RNF217: variants seen among roughly 807,000 people sequenced by gnomAD.
RNF217 encodes E3 ubiquitin-protein ligase RNF217.
Under a neutral mutation model 57.8 loss-of-function variants are expected in RNF217, and 31 were observed. The observed-to-expected ratio is 0.54, with a 90% CI of 0.40 to 0.72. The LOEUF (loss-of-function observed/expected upper bound fraction) is 0.72, where lower values mean the gene tolerates loss of function less well. Ranked by LOEUF, RNF217 falls within the 30% of genes least tolerant of loss-of-function variation. The probability of loss-of-function intolerance (pLI) is 0.00; values close to 1 mark genes in which losing one functional copy is unlikely to be tolerated. For synonymous variants in RNF217, 313 were observed against 294.0 expected, an observed-to-expected ratio of 1.06 and a Z score of -0.66; for missense variants, 696 against 708.3, an observed-to-expected ratio of 0.98 and a Z score of 0.20.
chr6:125,014,235 A>G (rs1053001790), intron 1 of RNF217, among the ~76,000 whole-genome samples: 2 of 152,186 alleles, frequency 1.3e-5, no homozygotes, highest in African/African-American at 2.4e-5. Flanking sequence ...AAATACCACC[A>G]TAGAGTAGAT....
In RNF217 at chr6:125,091,302, TA is replaced by T. The variant is rs1235576092; in HGVS notation, c.*8367del. ...TATGGTGCTTTGTGTGATGAGTATA[TA>T]ACATTCATATACGTTATTAGTGCCT... On this transcript the variant is annotated 3_prime_UTR_variant, in exon 6 of 6. Coordinates refer to ENST00000521654, the MANE Select transcript of RNF217 (RefSeq NM_001286398.3). The T allele has an allele frequency of 1.3e-5, 2 of 152,084 alleles. No homozygotes were observed. Among genetic ancestry groups the T allele is most frequent in the African/African-American group, 4.8e-5 (2 of 41,432 alleles). 9.4% of individuals were successfully genotyped at this position (152,084 alleles called of 1,614,324 possible).
At chr6:124,970,136 C>A (rs1783707715) in intron 1 of RNF217, among the ~76,000 whole-genome samples, 2 of 152,136 alleles carry the variant, frequency 1.3e-5, no homozygotes, top group Non-Finnish European at 2.9e-5. Flanking sequence ...CAGGTATCTT[C>A]ATTTCCCTAA....
intron 1 of RNF217, among the ~76,000 whole-genome samples, chr6:124,966,957 G>A (rs1276702254): frequency 6.6e-6 from 1 of 152,168 alleles, no homozygotes; most frequent in African/African-American, 2.4e-5. Context: ...ACTGTGGCTA[G>A]GCAGCCCATC....
chr6:125,023,261 G>A (rs1450864804), intron 1 of RNF217, among the ~76,000 whole-genome samples: 4 of 152,138 alleles, frequency 2.6e-5, no homozygotes, highest in African/African-American at 9.7e-5. Flanking sequence ...ATGCGGAGGA[G>A]CCCAGAGGCA....
intron 1 of RNF217, among the ~76,000 whole-genome samples, chr6:125,013,274 C>T (rs567192389): frequency 1.3e-5 from 2 of 150,404 alleles, no homozygotes; most frequent in South Asian, 2.1e-4. Context: ...GTTAATATTA[C>T]CAGAAAAACA....
rs1788982860 is a variant in RNF217 at position 125,092,417 on chromosome 6, A to G, written c.*9480A>G. On this transcript the variant is annotated 3_prime_UTR_variant, in exon 6 of 6. Coordinates refer to ENST00000521654, the MANE Select transcript of RNF217 (RefSeq NM_001286398.3). Reference sequence around the variant, plus strand: ...AAAATTATTTTCGGTTGGTTGTTGTAGAATGGAAGAGTAATCTTAATTATG... The same window carrying G: ...AAAATTATTTTCGGTTGGTTGTTGTGGAATGGAAGAGTAATCTTAATTATG... The G allele has an allele frequency of 6.6e-6, 1 of 152,234 alleles. No individual in the cohort carries two copies. Among genetic ancestry groups the G allele is most frequent in the African/African-American group, 2.4e-5 (1 of 41,466 alleles). 9.4% of individuals were successfully genotyped at this position (152,234 alleles called of 1,614,324 possible).
intron 1 of RNF217, among the ~76,000 whole-genome samples, chr6:124,993,983 A>C (rs530745607): frequency 1.7e-4 from 26 of 152,282 alleles, no homozygotes; most frequent in African/African-American, 5.3e-4. Context: ...ATTGAAAGTC[A>C]TTGAAACAAC....
At position 124,962,804 on chromosome 6, in the gene RNF217, C is replaced by A. The variant is rs879386478; in HGVS notation, c.260C>A (p.Pro87His). The part of the protein sequence containing the change: ...GWSKSRAPAQ[P>H]AGLALTGPLN... ...AGTAAGAGCCGAGCACCGGCGCAGC[C>A]TGCGGGACTGGCACTCACCGGGCCT... Residue 87 changes from proline to histidine, a missense_variant, in exon 1 of 6, where the codon CCT (proline) becomes CAT (histidine). Transcript: ENST00000521654. This position sits in a 1 kb window ranked among gnomAD's most constrained non-coding sequence, Gnocchi z 4.6. 1 of 1,597,600 alleles carries A rather than the reference C, an allele frequency of 6.3e-7. No homozygotes were observed. The highest frequency in any genetic ancestry group is 8.5e-7 in the Non-Finnish European group (1 of 1,179,598).
At position 125,082,981 on chromosome 6, in the gene RNF217, G is replaced by A. The variant is rs538900633; in HGVS notation, c.*44G>A. 1.2e-3 allele frequency: 1,586 copies of A among 1,358,726 alleles called. 36 individuals are homozygous for A. In the South Asian group the frequency reaches 0.019, roughly 17 times the overall value. The allele number at this position is 1,358,726 out of a possible 1,614,324, so 84.2% of individuals were successfully genotyped here. On this transcript the variant is annotated 3_prime_UTR_variant, in exon 6 of 6. Coordinates refer to ENST00000521654, the MANE Select transcript of RNF217 (RefSeq NM_001286398.3). ...CAGCTAAGCTGGTTGGAGTAGGAGC[G>A]ATACCAAAGGGTACACCCATCTGTG...
intron 1 of RNF217, among the ~76,000 whole-genome samples, chr6:124,972,098 C>A (rs1347633978): frequency 1.3e-5 from 2 of 152,190 alleles, no homozygotes; most frequent in Admixed American, 6.5e-5. Flanking sequence ...CCTTTCCTCC[C>A]CTTGTTTGCC....
At chr6:125,036,844 A>G (rs9321014) in intron 1 of RNF217, among the ~76,000 whole-genome samples, 40,437 of 150,352 alleles carry the variant, frequency 0.27, 5,925 homozygotes, top group East Asian at 0.4. Flanking sequence ...ATGGCGATTA[A>G]AAAGCCAGGA....
At chr6:125,056,114 C>A (rs1787514382) in intron 2 of RNF217, among the ~76,000 whole-genome samples, 1 of 152,058 alleles carries the variant, frequency 6.6e-6, no homozygotes, top group Non-Finnish European at 1.5e-5. Context: ...AATGATATGA[C>A]CATCTTTGAC....
intron 3 of RNF217, among the ~76,000 whole-genome samples, chr6:125,069,528 A>G (rs1166863174): frequency 6.6e-6 from 1 of 152,124 alleles, no homozygotes; most frequent in Non-Finnish European, 1.5e-5. Flanking sequence ...ATCTATATAT[A>G]CCACATTTTC....
chr6:124,968,770 T>C (rs1383106972), intron 1 of RNF217, among the ~76,000 whole-genome samples: 2 of 152,218 alleles, frequency 1.3e-5, no homozygotes, highest in Non-Finnish European at 2.9e-5. Flanking sequence ...TAACTCCTGA[T>C]ACAAAAGACA....
chr6:125,010,594 A>C (rs754366612), intron 1 of RNF217, among the ~76,000 whole-genome samples: 1 of 152,204 alleles, frequency 6.6e-6, no homozygotes, highest in Non-Finnish European at 1.5e-5. Context: ...AACAAGCTTA[A>C]GTTTATTTTA....
In RNF217 at chr6:124,963,093, G is replaced by C. The variant is rs1329805472; in HGVS notation, c.549G>C (p.Ser183=). The stretch of plus-strand genomic sequence containing the variant: ...AGGCCCCCGCCTCGGAGCAGCTCTC[G>C]CCGCCCGCGTCGCCACCTGGGGCTC... ...LPEAPASEQL[S]PPASPPGAPP... The change falls in exon 1 of 6, where the codon TCG becomes TCC. Residue 183 remains serine (S), a synonymous_variant. Coordinates refer to ENST00000521654, the MANE Select transcript of RNF217 (RefSeq NM_001286398.3). 6.5e-7 allele frequency: 1 copy of C among 1,544,672 alleles called. No individual in the cohort carries two copies. The highest frequency in any genetic ancestry group is 1.7e-4 in the Middle Eastern group (1 of 5,984).
rs1256143454 is a variant in RNF217, at chr6:124,963,363, G to A, written c.819G>A (p.Lys273=). 2.0e-6 allele frequency: 3 copies of A among 1,525,120 alleles called. No individual in the cohort carries two copies. Among genetic ancestry groups the A allele is most frequent in the Admixed American group, 4.1e-5 (2 of 49,000 alleles). 94.5% of individuals were successfully genotyped at this position (1,525,120 alleles called of 1,614,324 possible). The stretch of plus-strand genomic sequence containing the variant: ...TGTGCCTGGAAGACAAGCCCATCAA[G>A]CCCCTGCCTTGCTGCAAGAAGGCCG... ...CRVCLEDKPI[K]PLPCCKKAVC... Residue 273 remains lysine, a synonymous_variant, in exon 1 of 6, where the codon AAG becomes AAA. Coordinates refer to ENST00000521654, the MANE Select transcript of RNF217 (RefSeq NM_001286398.3).
intron 1 of RNF217, among the ~76,000 whole-genome samples, chr6:125,002,635 G>A (rs139174695): frequency 1.7e-4 from 26 of 152,102 alleles, no homozygotes; most frequent in African/African-American, 5.5e-4. Flanking sequence ...TCAGTGTCAC[G>A]CTGGCCCCGT....
intron 3 of RNF217, among the ~76,000 whole-genome samples, chr6:125,071,398 A>G (rs758267394): frequency 5.9e-5 from 9 of 151,470 alleles, no homozygotes; most frequent in Non-Finnish European, 1.0e-4. Context: ...TTTTTTGGAT[A>G]TTGTGTTTTG....
Sources: gnomAD v4.1 joint callset for allele counts (sites outside exome capture counted in the v4.1 genomes callset) on GRCh38, gnomAD v4.1.1 for gene constraint, Gnocchi (gnomAD v3.1) non-coding constraint, MANE v1.5 for transcripts, NCBI Gene and HGNC (gene_info 2026-07-23, HGNC 2026-07-21) for gene names.